GSE1: variants seen among roughly 807,000 people sequenced by gnomAD.
The protein encoded by GSE1 is Gse1 coiled-coil protein, also known as genetic suppressor element 1.
GSE1 carries 32 observed loss-of-function variants against 112.6 expected under a neutral mutation model. The observed-to-expected ratio is 0.28, with a 90% CI of 0.21 to 0.38. The LOEUF is 0.38. GSE1 is among the 10% of genes least tolerant of loss of function. The pLI is 1.00. For synonymous variants in GSE1, 1,115 were observed against 735.6 expected (o/e 1.52, Z -8.35); for missense variants, 2,348 against 1,699.2 (o/e 1.38, Z -6.71).
chr16:85,649,287 G>A (rs1232750219), intron 3 of GSE1, among the ~76,000 whole-genome samples: 1 of 152,210 alleles, frequency 6.6e-6, no homozygotes, highest in East Asian at 1.9e-4. Flanking sequence ...GGATTTGGGC[G>A]GGGGTGGCAG....
intron 2 of GSE1, among the ~76,000 whole-genome samples, chr16:85,396,407 C>G (rs1440112674): frequency 6.6e-6 from 1 of 152,232 alleles, no homozygotes; most frequent in African/African-American, 2.4e-5. Flanking sequence ...AATTGTAATG[C>G]AAAAACACCT....
intron 1 of GSE1, among the ~76,000 whole-genome samples, chr16:85,573,258 G>A (rs758314067): frequency 3.3e-5 from 5 of 152,122 alleles, no homozygotes; most frequent in Non-Finnish European, 4.4e-5. Flanking sequence ...TCTGAGTAGC[G>A]GTGACTACGG....
rs1555557422 is a variant in GSE1, at chr16:85,304,601, C to CCG, written c.2284-52862_2284-52861insCG. On this transcript the variant is annotated intron_variant, in intron 1 of 2. Transcript: ENST00000637419. ...TGCATGGCAGCTGCCAAGCCGGGGG[C>CCG]GGGGGGGTGGGGCATCCCTTTTGCC... is the stretch of plus-strand genomic sequence containing the variant. Among the ~76,000 whole-genome samples the CCG allele has an allele frequency of 6.4e-5, 5 of 78,180 alleles. 1 individual carries two copies. The highest frequency in any genetic ancestry group is 3.9e-4 in the Admixed American group (2 of 5,180). 51.3% of individuals were successfully genotyped at this position (78,180 alleles called of 152,430 possible).
chr16:85,661,357 G>C lies in GSE1; in HGVS notation c.1852G>C (p.Ala618Pro). The change falls in exon 9 of 16, where the codon GCA becomes CCA. Residue 618 changes from alanine to proline, a missense_variant. Transcript: ENST00000253458. ...GGCTGCATTTGAGCCCAGCCGCCAG[G>C]CAGCCGTGCCGCTGGTGAAGGTGGA... ...HPAAFEPSRQ[A>P]AVPLVKVERV... 6.2e-7 allele frequency: 1 copy of C among 1,612,260 alleles called. No individual in the cohort carries two copies. The highest frequency in any genetic ancestry group is 1.1e-5 in the South Asian group (1 of 91,018).
intron 1 of GSE1, among the ~76,000 whole-genome samples, chr16:85,172,924 A>G (rs2074386560): frequency 6.6e-6 from 1 of 152,140 alleles, no homozygotes; most frequent in Admixed American, 6.5e-5. Context: ...CTCTCCCCCG[A>G]TACGCGGCCC....
At chr16:85,355,840 G>A (rs1469372367) in intron 1 of GSE1, among the ~76,000 whole-genome samples, 1 of 152,084 alleles carries the variant, frequency 6.6e-6, no homozygotes, top group Non-Finnish European at 1.5e-5. Flanking sequence ...GGCCAACATA[G>A]TGAAACCCCA....
intron 1 of GSE1, among the ~76,000 whole-genome samples, chr16:85,331,221 C>T (rs915020463): frequency 1.3e-5 from 2 of 150,144 alleles, no homozygotes; most frequent in African/African-American, 4.9e-5. Context: ...GGCACGATAT[C>T]GGCTCACTGC....
chr16:85,252,678 C>T lies in GSE1; in HGVS notation c.2283+80871C>T, dbSNP rs183022269. Among the ~76,000 whole-genome samples, 92 of 152,298 alleles carry T rather than the reference C, an allele frequency of 6.0e-4. 1 individual carries two copies. Among genetic ancestry groups the T allele is most frequent in the African/African-American group, 2.1e-3 (89 of 41,590 alleles). On this transcript the variant is annotated intron_variant, in intron 1 of 2. Coordinates refer to the GSE1 transcript ENST00000637419. ...GGGGAGGAGGAAACTGAGGTCATGC[C>T]GGTGTGGGGACGGCACAGCAAAGCT...
At chr16:85,541,803 T>G (rs563013014) in intron 2 of GSE1, among the ~76,000 whole-genome samples, 1 of 152,308 alleles carries the variant, frequency 6.6e-6, no homozygotes, top group South Asian at 2.1e-4. Context: ...AGGGGCCACG[T>G]CCCTGCCTCG....
intron 1 of GSE1, among the ~76,000 whole-genome samples, chr16:85,186,189 G>T (rs923761174): frequency 6.6e-6 from 1 of 152,206 alleles, no homozygotes; most frequent in Non-Finnish European, 1.5e-5. Context: ...ATGTAAAACA[G>T]GTTGGGTACA....
chr16:85,612,969 C>T (rs1048260857), upstream of GSE1, among the ~76,000 whole-genome samples: 1 of 152,242 alleles, frequency 6.6e-6, no homozygotes, highest in Non-Finnish European at 1.5e-5. Context: ...GACCCCCGAG[C>T]AGTCCAGCCA....
At chr16:85,454,275 T>A (rs1482960794) in intron 2 of GSE1, among the ~76,000 whole-genome samples, 2 of 152,172 alleles carry the variant, frequency 1.3e-5, no homozygotes, top group African/African-American at 4.8e-5. Context: ...CCTCCGAGCT[T>A]CTCCGAGGCT....
At chr16:85,532,627 C>T (rs2044173667) in intron 2 of GSE1, among the ~76,000 whole-genome samples, 1 of 152,078 alleles carries the variant, frequency 6.6e-6, no homozygotes, top group African/African-American at 2.4e-5. Flanking sequence ...CTGCAGTGGT[C>T]GCCTCCCACC....
chr16:85,536,785 G>A (rs913061472), intron 2 of GSE1, among the ~76,000 whole-genome samples: 1 of 152,232 alleles, frequency 6.6e-6, no homozygotes, highest in Non-Finnish European at 1.5e-5. Context: ...GGGCCTCCTG[G>A]GATGGGCCAG....
chr16:85,656,018 T>C (rs2051896078), intron 6 of GSE1, 101 bp downstream of exon 6: 2 of 912,256 alleles, frequency 2.2e-6, no homozygotes, highest in Non-Finnish European at 3.3e-6. Flanking sequence ...TCCTTGGCCA[T>C]GCCTGTCCTC....
chr16:85,513,489 C>T (rs940560557), intron 2 of GSE1, among the ~76,000 whole-genome samples: 2 of 152,168 alleles, frequency 1.3e-5, no homozygotes, highest in Non-Finnish European at 1.5e-5. Flanking sequence ...GGCTACCCCC[C>T]TCACCGCTCA....
intron 2 of GSE1, among the ~76,000 whole-genome samples, chr16:85,400,398 G>A: frequency 6.6e-6 from 1 of 151,784 alleles, no homozygotes; most frequent in East Asian, 1.9e-4. Flanking sequence ...TATCTCTGTG[G>A]CCGTGTGTGT....
At position 85,373,409 on chromosome 16, in the gene GSE1, G is replaced by A. The variant is rs2047343551; in HGVS notation, c.2464+15766G>A. Among the ~76,000 whole-genome samples, 7 of 152,262 alleles carry A rather than the reference G, an allele frequency of 4.6e-5. No individual in the cohort carries two copies. In the South Asian group the frequency reaches 1.5e-3, roughly 32 times the overall value. ...CAAACAGACAAAAAATGGAAAGAAA[G>A]CAAGGGAGGGAAGAGCAGAGGAGGG... is the stretch of plus-strand genomic sequence containing the variant. On this transcript the variant is annotated intron_variant, in intron 2 of 2. Coordinates refer to the GSE1 transcript ENST00000637419. This position sits in a 1 kb window ranked among gnomAD's most constrained non-coding sequence, Gnocchi z 5.1.
intron 1 of GSE1, among the ~76,000 whole-genome samples, chr16:85,189,244 G>A (rs1473395558): frequency 1.3e-5 from 2 of 152,070 alleles, no homozygotes; most frequent in Non-Finnish European, 2.9e-5. Flanking sequence ...TAGCATTTTT[G>A]ACATTTGATA....
Sources: allele counts gnomAD v4.1 joint callset (sites outside exome capture counted in the v4.1 genomes callset), GRCh38; gene constraint gnomAD v4.1.1; non-coding constraint Gnocchi (gnomAD v3.1); transcripts MANE v1.5; gene names NCBI Gene and HGNC (gene_info 2026-07-23, HGNC 2026-07-21).